Variants in RPS6KC1 observed in about 807,000 individuals in gnomAD.
RPS6KC1 encodes ribosomal protein S6 kinase C1.
RPS6KC1 carries 54 observed loss-of-function variants against 103.8 expected under a neutral mutation model. The ratio of observed to expected loss-of-function variants is 0.52; its 90% confidence interval spans 0.42 to 0.65. RPS6KC1 has a LOEUF of 0.65. Ranked by LOEUF, RPS6KC1 falls within the 30% of genes least tolerant of loss-of-function variation. RPS6KC1 has a pLI of 0.00. For missense variants in RPS6KC1, 1,151 were observed against 1,253.8 expected, an observed-to-expected ratio of 0.92 and a Z score of 1.24; for synonymous variants, 439 against 438.7, an observed-to-expected ratio of 1.00 and a Z score of -0.01.
At chr1:213,804,659 C>A in the RPS6KC1 span, among the ~76,000 whole-genome samples, 29 of 152,200 alleles carry the variant, frequency 1.9e-4, no homozygotes, top group Non-Finnish European at 3.5e-4. Flanking sequence ...TTATTGTTGT[C>A]TATCTCCCCC....
chr1:213,124,227 CA>C (rs1245738015), intron 5 of RPS6KC1, among the ~76,000 whole-genome samples: 2 of 152,044 alleles, frequency 1.3e-5, no homozygotes, highest in Non-Finnish European at 2.9e-5. Context: ...GTATCACTTC[CA>C]AAAAAAGCTT....
chr1:213,525,443 A>G, the RPS6KC1 span, among the ~76,000 whole-genome samples: 1 of 152,192 alleles, frequency 6.6e-6, no homozygotes, highest in Non-Finnish European at 1.5e-5. Context: ...TAGTGATATC[A>G]AGTAGGTGGC....
At chr1:213,657,093 A>C in the RPS6KC1 span, among the ~76,000 whole-genome samples, 2 of 152,220 alleles carry the variant, frequency 1.3e-5, no homozygotes, top group Non-Finnish European at 2.9e-5. Flanking sequence ...AAATTAACAT[A>C]AACCCAGGGG....
At chr1:213,462,403 A>C in the RPS6KC1 span, among the ~76,000 whole-genome samples, 2 of 152,172 alleles carry the variant, frequency 1.3e-5, no homozygotes, top group Admixed American at 1.3e-4. Context: ...CAATCCCATT[A>C]TGGGTATATA....
the RPS6KC1 span, among the ~76,000 whole-genome samples, chr1:213,577,304 A>G: frequency 1.3e-5 from 2 of 152,198 alleles, no homozygotes; most frequent in Non-Finnish European, 2.9e-5. Flanking sequence ...GACCTCCCCA[A>G]GCCATGTGGA....
At chr1:213,775,123 T>G in the RPS6KC1 span, among the ~76,000 whole-genome samples, 4 of 152,288 alleles carry the variant, frequency 2.6e-5, no homozygotes, top group African/African-American at 9.6e-5. Flanking sequence ...TCTCTTTCCT[T>G]AAATGAAAAG....
chr1:213,210,684 G>T (rs958195393), intron 8 of RPS6KC1, among the ~76,000 whole-genome samples: 9 of 152,188 alleles, frequency 5.9e-5, no homozygotes, highest in African/African-American at 2.2e-4. Context: ...TAAAAATAAT[G>T]TTAAATTTTA....
At chr1:213,329,478 G>T in the RPS6KC1 span, among the ~76,000 whole-genome samples, 1 of 152,128 alleles carries the variant, frequency 6.6e-6, no homozygotes, top group South Asian at 2.1e-4. Context: ...TTGTCTTGGG[G>T]GAGGCTCTCA....
the RPS6KC1 span, among the ~76,000 whole-genome samples, chr1:213,728,652 C>T: frequency 1.3e-5 from 2 of 152,046 alleles, no homozygotes; most frequent in Admixed American, 6.6e-5. Context: ...ACTCCCTCCT[C>T]ATTGGCTCTG....
chr1:213,491,643 G>T, the RPS6KC1 span, among the ~76,000 whole-genome samples: 1 of 152,188 alleles, frequency 6.6e-6, no homozygotes, highest in Non-Finnish European at 1.5e-5. Context: ...GAGACTCAGA[G>T]CTGGCGAACA....
chr1:213,146,042 C>T (rs1449066072), intron 6 of RPS6KC1, among the ~76,000 whole-genome samples: 6 of 140,000 alleles, frequency 4.3e-5, no homozygotes, highest in Non-Finnish European at 7.6e-5. Context: ...CACTACCCTT[C>T]CCAGACTCTG....
the RPS6KC1 span, among the ~76,000 whole-genome samples, chr1:213,640,725 T>G: frequency 2.0e-4 from 30 of 151,972 alleles, no homozygotes; most frequent in African/African-American, 7.2e-4. Flanking sequence ...ATTTCTAGTA[T>G]AATTTCATCA....
the RPS6KC1 span, among the ~76,000 whole-genome samples, chr1:213,787,014 C>T: frequency 6.6e-6 from 1 of 152,110 alleles, no homozygotes; most frequent in African/African-American, 2.4e-5. Flanking sequence ...GATGGGGAGA[C>T]AAAGAGAATG....
At chr1:213,281,513 C>T in the RPS6KC1 span, among the ~76,000 whole-genome samples, 1 of 152,204 alleles carries the variant, frequency 6.6e-6, no homozygotes, top group African/African-American at 2.4e-5. Context: ...TGCCTGCACC[C>T]CATTCCTGTG....
chr1:213,424,556 G>A, the RPS6KC1 span, among the ~76,000 whole-genome samples: 1 of 152,230 alleles, frequency 6.6e-6, no homozygotes, highest in Admixed American at 6.5e-5. Context: ...CAAGGCCATG[G>A]GCCTGGCCCA....
the RPS6KC1 span, among the ~76,000 whole-genome samples, chr1:213,675,049 G>A: frequency 6.6e-6 from 1 of 152,090 alleles, no homozygotes; most frequent in Non-Finnish European, 1.5e-5. Context: ...ACCTTTGTTG[G>A]TTGCATTGTT....
chr1:213,320,996 A>G, the RPS6KC1 span, among the ~76,000 whole-genome samples: 1 of 152,126 alleles, frequency 6.6e-6, no homozygotes, highest in Admixed American at 6.5e-5. Context: ...GGGGCTTTGG[A>G]CAAGGGTGAG....
intron 3 of RPS6KC1, among the ~76,000 whole-genome samples, chr1:213,103,043 C>A (rs926419225): frequency 1.3e-4 from 20 of 152,158 alleles, no homozygotes; most frequent in African/African-American, 4.8e-4. Flanking sequence ...CCTCTCTCTA[C>A]AAAATAATTA....
chr1:213,477,350 A>AT, the RPS6KC1 span, among the ~76,000 whole-genome samples: 286 of 144,108 alleles, frequency 2.0e-3, 1 homozygote, highest in Middle Eastern at 7.5e-3. Context: ...TTATACCCTT[A>AT]TTTTTTTTTT....
Sources: gnomAD v4.1 joint callset for allele counts (sites outside exome capture counted in the v4.1 genomes callset) on GRCh38, gnomAD v4.1.1 for gene constraint, MANE v1.5 for transcripts, NCBI Gene and HGNC (gene_info 2026-07-23, HGNC 2026-07-21) for gene names.